Variants in SIPA1L3 observed in about 807,000 individuals in gnomAD.
SIPA1L3 encodes signal-induced proliferation-associated 1-like protein 3.
A neutral mutation model predicts 150.1 loss-of-function variants in SIPA1L3; 59 were observed. The ratio of observed to expected loss-of-function variants is 0.39; its 90% CI spans 0.32 to 0.49. SIPA1L3 has a LOEUF of 0.49. Among genes scored for constraint, SIPA1L3 ranks in the 20% least tolerant of loss-of-function variants. SIPA1L3 has a pLI of 0.86. For synonymous variants in SIPA1L3, 1,070 were observed against 1,077.6 expected (o/e 0.99, Z 0.14); for missense variants, 2,211 against 2,489.5 (o/e 0.89, Z 2.38).
chr19:38,086,050 C>A (rs948160726), intron 3 of SIPA1L3, among the ~76,000 whole-genome samples: 3 of 151,700 alleles, frequency 2.0e-5, no homozygotes, highest in African/African-American at 4.8e-5. Context: ...GAAAAACTCA[C>A]AACCATAGCG....
At chr19:38,064,245 G>A (rs1052390907) in intron 2 of SIPA1L3, among the ~76,000 whole-genome samples, 8 of 152,218 alleles carry the variant, frequency 5.3e-5, no homozygotes, top group South Asian at 4.1e-4. Flanking sequence ...GACTCAGAGG[G>A]GCGCCCCACC....
rs573616347 is a variant in SIPA1L3, at chr19:38,001,667, A to G, written c.-378-27422A>G. On this transcript the variant is annotated intron_variant, in intron 1 of 21. Transcript: ENST00000222345. ...GTCTCAAATTCCTGGGCTCAAAGCA[A>G]TCCTGCCGCCTTGGCCTCCCCAAGT... is the stretch of plus-strand genomic sequence containing the variant. Among the ~76,000 whole-genome samples the G allele has an allele frequency of 5.3e-5, 8 of 152,304 alleles. No individual in the cohort carries two copies. The South Asian group carries it at 6.2e-4, about 12-fold the overall frequency.
chr19:38,128,882 G>A (rs868024831), intron 9 of SIPA1L3, among the ~76,000 whole-genome samples: 3 of 151,854 alleles, frequency 2.0e-5, no homozygotes, highest in Middle Eastern at 6.8e-3. Flanking sequence ...GGGCGACAGC[G>A]AGACTCCGTC....
chr19:38,062,810 A>G (rs1368871324), intron 2 of SIPA1L3, among the ~76,000 whole-genome samples: 1 of 152,048 alleles, frequency 6.6e-6, no homozygotes, highest in African/African-American at 2.4e-5. Flanking sequence ...TAGTAGAGAC[A>G]GAGTTTCACC....
At chr19:38,168,215 C>T (rs567526803) in intron 15 of SIPA1L3, among the ~76,000 whole-genome samples, 3 of 151,994 alleles carry the variant, frequency 2.0e-5, no homozygotes, top group South Asian at 2.1e-4. Context: ...GATGAAACTC[C>T]GTCTCTACTA....
At chr19:38,031,070 G>A (rs891867722) in intron 2 of SIPA1L3, among the ~76,000 whole-genome samples, 6 of 152,122 alleles carry the variant, frequency 3.9e-5, no homozygotes, top group Non-Finnish European at 7.3e-5. Context: ...TTGTGTGTGG[G>A]ACAGTTGCTA....
chr19:38,130,438 G>A (rs547845127), intron 9 of SIPA1L3, 60 bp from the exon 10 acceptor site: 26 of 1,546,626 alleles, frequency 1.7e-5, no homozygotes, highest in South Asian at 6.1e-5. Flanking sequence ...GTGACCAGGG[G>A]TCTTCCAGAG....
intron 7 of SIPA1L3, among the ~76,000 whole-genome samples, chr19:38,107,831 G>T (rs1367378861): frequency 6.6e-6 from 1 of 152,040 alleles, no homozygotes; most frequent in Admixed American, 6.6e-5. Context: ...ACAAAAATTA[G>T]CTAGGCATGG....
intron 1 of SIPA1L3, among the ~76,000 whole-genome samples, chr19:37,953,216 G>GT (rs995704753): frequency 6.6e-6 from 1 of 152,112 alleles, no homozygotes; most frequent in Non-Finnish European, 1.5e-5. Flanking sequence ...TGAAAGTAGA[G>GT]TTTAAGTCTG....
intron 1 of SIPA1L3, among the ~76,000 whole-genome samples, chr19:37,950,033 C>T (rs1008461849): frequency 1.4e-5 from 2 of 145,010 alleles, no homozygotes; most frequent in Non-Finnish European, 3.0e-5. Context: ...GCCAAGATGG[C>T]GCCATTGCAC....
intron 2 of SIPA1L3, among the ~76,000 whole-genome samples, chr19:38,065,965 C>G (rs1384988692): frequency 8.4e-6 from 1 of 119,524 alleles, no homozygotes; most frequent in East Asian, 2.4e-4. Flanking sequence ...CAACGTCTTG[C>G]TCTGTTGCCC....
At chr19:38,001,016 A>T (rs974244598) in intron 1 of SIPA1L3, among the ~76,000 whole-genome samples, 16 of 149,958 alleles carry the variant, frequency 1.1e-4, no homozygotes, top group Admixed American at 4.0e-4. Flanking sequence ...ATATACACAT[A>T]TATATCACAC....
chr19:37,910,654 G>T (rs576954268), intron 1 of SIPA1L3, among the ~76,000 whole-genome samples: 1 of 152,148 alleles, frequency 6.6e-6, no homozygotes, highest in South Asian at 2.1e-4. Flanking sequence ...GCCCAGGCTG[G>T]AGTGCAGTGG....
At chr19:38,072,497 G>A (rs765500507) in intron 2 of SIPA1L3, among the ~76,000 whole-genome samples, 2 of 152,244 alleles carry the variant, frequency 1.3e-5, no homozygotes, top group Non-Finnish European at 2.9e-5. Context: ...CTAACTCCCA[G>A]TCCCCTTCAC....
chr19:38,178,201 T>A (rs373591403), intron 15 of SIPA1L3, among the ~76,000 whole-genome samples: 56 of 151,686 alleles, frequency 3.7e-4, no homozygotes, highest in African/African-American at 1.3e-3. Context: ...TTTATTTTTT[T>A]GTGGAGGCAG....
intron 12 of SIPA1L3, among the ~76,000 whole-genome samples, chr19:38,145,876 T>C (rs1420372333): frequency 6.6e-6 from 1 of 152,106 alleles, no homozygotes; most frequent in African/African-American, 2.4e-5. Flanking sequence ...TTTTTTTTTT[T>C]TGGAGACAAA....
chr19:37,999,739 T>C (rs1341227433), intron 1 of SIPA1L3, among the ~76,000 whole-genome samples: 1 of 152,240 alleles, frequency 6.6e-6, no homozygotes, highest in African/African-American at 2.4e-5. Context: ...TCACTTCTGC[T>C]GAATTCCAGC....
At chr19:38,084,641 T>G (rs141977936) in intron 3 of SIPA1L3, among the ~76,000 whole-genome samples, 2 of 143,236 alleles carry the variant, frequency 1.4e-5, no homozygotes, top group Admixed American at 7.0e-5. Context: ...TTTTCTTTTT[T>G]TTTTTTTTTT....
chr19:37,975,523 T>C (rs1307205719), intron 1 of SIPA1L3, among the ~76,000 whole-genome samples: 1 of 152,172 alleles, frequency 6.6e-6, no homozygotes, highest in African/African-American at 2.4e-5. Context: ...ATGGGAGTGA[T>C]ATTGGTCATG....
Sources: allele counts gnomAD v4.1 joint callset (sites outside exome capture counted in the v4.1 genomes callset), GRCh38; gene constraint gnomAD v4.1.1; transcripts MANE v1.5; gene names NCBI Gene and HGNC (gene_info 2026-07-23, HGNC 2026-07-21).